The following GABRB2 variants were observed in gnomAD, a reference collection of about 807,000 sequenced individuals.
GABRB2 encodes the protein gamma-aminobutyric acid type A receptor subunit beta2, also known as gamma-aminobutyric acid receptor subunit beta-2.
Under a neutral mutation model 54.7 loss-of-function variants are expected in GABRB2, and 16 were observed. The observed-to-expected ratio is 0.29, with a 90% confidence interval of 0.20 to 0.44. The LOEUF (loss-of-function observed/expected upper bound fraction) is 0.44, where lower values mean the gene tolerates loss of function less well. Among genes scored for constraint, GABRB2 ranks in the 20% least tolerant of loss-of-function variants. The pLI, the probability that GABRB2 is intolerant of heterozygous loss-of-function variation, is 1.00. For missense variants in GABRB2, 355 were observed against 644.0 expected (o/e 0.55, Z 4.86); for synonymous variants, 244 against 233.8 (o/e 1.04, Z -0.40).
In GABRB2 at chr5:161,306,272, G is replaced by GA. The variant is rs561131541; in HGVS notation, c.1192-11845dup. Among the ~76,000 whole-genome samples the GA allele has an allele frequency of 1.3e-3, 200 of 152,332 alleles. 1 individual carries two copies. The highest frequency in any genetic ancestry group is 3.4e-3 in the Middle Eastern group (1 of 294). The stretch of plus-strand genomic sequence containing the variant: ...GCCAAGGTTTGGTTTCTGTCGCCCT[G>GA]AGGCAAGGCACTAATGTTTGAATCC... On this transcript the variant is annotated intron_variant, in intron 9 of 9. Transcript: ENST00000393959.
chr5:161,342,579 C>G (rs1754205403), intron 5 of GABRB2, among the ~76,000 whole-genome samples: 1 of 151,928 alleles, frequency 6.6e-6, no homozygotes, highest in African/African-American at 2.4e-5. Flanking sequence ...TGGAATATTC[C>G]AAATTTATTT....
At chr5:161,482,876 C>T (rs1302239394) in intron 3 of GABRB2, among the ~76,000 whole-genome samples, 2 of 152,010 alleles carry the variant, frequency 1.3e-5, no homozygotes, top group African/African-American at 2.4e-5. Context: ...TAGACTTTCA[C>T]AGAATATTTC....
upstream of GABRB2, among the ~76,000 whole-genome samples, chr5:161,547,586 A>C (rs1388563844): frequency 6.6e-6 from 1 of 151,352 alleles, no homozygotes; most frequent in Non-Finnish European, 1.5e-5. Context: ...GAGGGGGGCG[A>C]GGGGAGCAGA....
intron 7 of GABRB2, among the ~76,000 whole-genome samples, chr5:161,332,330 G>A (rs1452044352): frequency 6.6e-6 from 1 of 152,168 alleles, no homozygotes; most frequent in Non-Finnish European, 1.5e-5. Flanking sequence ...GGAATTTGGA[G>A]TGGAGGGTAA....
chr5:161,485,013 G>A (rs572136790), intron 3 of GABRB2, among the ~76,000 whole-genome samples: 34 of 152,060 alleles, frequency 2.2e-4, no homozygotes, highest in African/African-American at 7.9e-4. Flanking sequence ...CTAGGATCCC[G>A]AAGAGCTAGA....
intron 4 of GABRB2, among the ~76,000 whole-genome samples, chr5:161,423,937 A>G (rs1756924865): frequency 6.6e-6 from 1 of 152,172 alleles, no homozygotes; most frequent in Non-Finnish European, 1.5e-5. Flanking sequence ...AGAAAGTTTT[A>G]GTGCTCTGGA....
chr5:161,327,841 C>T (rs1307935893), intron 8 of GABRB2, among the ~76,000 whole-genome samples: 1 of 145,456 alleles, frequency 6.9e-6, no homozygotes, highest in Non-Finnish European at 1.5e-5. Context: ...ATTATAAGTG[C>T]TTGATCTTGG....
chr5:161,425,982 T>C (rs1756986920), intron 4 of GABRB2, among the ~76,000 whole-genome samples: 1 of 152,148 alleles, frequency 6.6e-6, no homozygotes, highest in African/African-American at 2.4e-5. Context: ...CCCAGTAGTA[T>C]TACTTACAGT....
At chr5:161,456,862 G>C (rs1184542104) in intron 4 of GABRB2, among the ~76,000 whole-genome samples, 1 of 152,118 alleles carries the variant, frequency 6.6e-6, no homozygotes, top group Admixed American at 6.6e-5. Flanking sequence ...TACTGGCTGG[G>C]GGTGGGTAAG....
intron 3 of GABRB2, among the ~76,000 whole-genome samples, chr5:161,509,255 A>G (rs879309690): frequency 1.3e-5 from 2 of 152,022 alleles, no homozygotes; most frequent in South Asian, 2.1e-4. Context: ...ATTTCCATCT[A>G]TGACAATATT....
intron 9 of GABRB2, among the ~76,000 whole-genome samples, chr5:161,305,038 C>A: frequency 8.3e-6 from 1 of 121,100 alleles, no homozygotes; most frequent in Admixed American, 1.1e-4. Context: ...GAGACGGAGT[C>A]TCGCTCTGTC....
At chr5:161,480,053 C>T (rs1581021097) in intron 3 of GABRB2, among the ~76,000 whole-genome samples, 1 of 152,034 alleles carries the variant, frequency 6.6e-6, no homozygotes, top group Non-Finnish European at 1.5e-5. Context: ...CCTCAGCTTT[C>T]CCCACTGCCA....
At chr5:161,524,336 G>A (rs1472682772) in intron 3 of GABRB2, among the ~76,000 whole-genome samples, 1 of 151,640 alleles carries the variant, frequency 6.6e-6, no homozygotes, top group African/African-American at 2.4e-5. Context: ...AAAATATGTA[G>A]AACTCTTTAA....
At chr5:161,371,824 C>T (rs549225847) in intron 5 of GABRB2, among the ~76,000 whole-genome samples, 6 of 152,142 alleles carry the variant, frequency 3.9e-5, no homozygotes, top group South Asian at 2.1e-4. Flanking sequence ...CAAGCTCTAG[C>T]GATCCTCCCT....
At chr5:161,427,195 GAGA>G (rs1345500509) in intron 4 of GABRB2, among the ~76,000 whole-genome samples, 1 of 152,126 alleles carries the variant, frequency 6.6e-6, no homozygotes, top group Admixed American at 6.6e-5. Flanking sequence ...TGTCTAACTG[GAGA>G]AGAAGAAGAC....
At chr5:161,443,705 T>C (rs916610388) in intron 4 of GABRB2, among the ~76,000 whole-genome samples, 1 of 152,194 alleles carries the variant, frequency 6.6e-6, no homozygotes, top group Non-Finnish European at 1.5e-5. Flanking sequence ...AGTTCATAGC[T>C]CTGCCCAGCC....
chr5:161,340,684 A>AT (rs1377038605), intron 5 of GABRB2, among the ~76,000 whole-genome samples: 1 of 152,150 alleles, frequency 6.6e-6, no homozygotes, highest in East Asian at 1.9e-4. Flanking sequence ...GAAAAAAAAA[A>AT]GTAAAATGCT....
chr5:161,363,249 A>T (rs371870498), intron 5 of GABRB2, among the ~76,000 whole-genome samples: 5 of 152,274 alleles, frequency 3.3e-5, no homozygotes, highest in African/African-American at 1.2e-4. Flanking sequence ...GAAGCTGGAA[A>T]CCATCATTTT....
At chr5:161,425,188 C>T (rs1395853256) in intron 4 of GABRB2, among the ~76,000 whole-genome samples, 2 of 152,060 alleles carry the variant, frequency 1.3e-5, no homozygotes, top group African/African-American at 4.8e-5. Context: ...TACAATATTA[C>T]ATGAACTTAT....
Sources: allele counts gnomAD v4.1 joint callset (sites outside exome capture counted in the v4.1 genomes callset), GRCh38; gene constraint gnomAD v4.1.1; transcripts MANE v1.5; gene names NCBI Gene and HGNC (gene_info 2026-07-23, HGNC 2026-07-21).